The following GRK5 variants were observed in gnomAD, a reference collection of about 807,000 sequenced individuals.
GRK5 encodes G protein-coupled receptor kinase 5, also known as g protein-coupled receptor kinase GRK5.
Under a neutral mutation model 78.4 loss-of-function variants are expected in GRK5, and 40 were observed. That is an observed-to-expected ratio of 0.51 (90% CI 0.40 to 0.66). GRK5 has a LOEUF of 0.66. GRK5 is among the 30% of genes least tolerant of loss of function. GRK5 has a pLI of 0.00. For missense variants in GRK5, 598 were observed against 759.9 expected (o/e 0.79, Z 2.50); for synonymous variants, 289 against 296.8 (o/e 0.97, Z 0.27).
At chr10:119,423,322 C>T (rs905939120) in intron 5 of GRK5, 56 bp downstream of exon 5, 34 of 1,223,632 alleles carry the variant, frequency 2.8e-5, no homozygotes, top group Non-Finnish European at 3.6e-5. Context: ...GATGGGATGC[C>T]GCAGCTCTCC....
intron 1 of GRK5, among the ~76,000 whole-genome samples, chr10:119,316,581 A>G (rs973798918): frequency 6.6e-6 from 1 of 152,222 alleles, no homozygotes; most frequent in Non-Finnish European, 1.5e-5. Context: ...ATAATTCGCT[A>G]GACTCCCTCG....
intron 1 of GRK5, among the ~76,000 whole-genome samples, chr10:119,310,358 C>T (rs1850337963): frequency 6.6e-6 from 1 of 152,196 alleles, no homozygotes; most frequent in African/African-American, 2.4e-5. Context: ...CTCCCTTCCC[C>T]TGGCTTTCTC....
chr10:119,407,352 G>A (rs1351190092), intron 4 of GRK5, among the ~76,000 whole-genome samples: 3 of 152,236 alleles, frequency 2.0e-5, no homozygotes, highest in African/African-American at 7.2e-5. Flanking sequence ...AGGAGAGGAG[G>A]CCTCAAAAGG....
intron 1 of GRK5, among the ~76,000 whole-genome samples, chr10:119,276,149 G>A (rs1849666311): frequency 6.6e-6 from 1 of 152,002 alleles, no homozygotes; most frequent in Admixed American, 6.6e-5. Flanking sequence ...TAAGTTTTAG[G>A]GTACATGTGC....
intron 1 of GRK5, among the ~76,000 whole-genome samples, chr10:119,304,398 C>G (rs968229907): frequency 6.9e-6 from 1 of 144,476 alleles, no homozygotes; most frequent in Non-Finnish European, 1.5e-5. Flanking sequence ...TCAAGCAATT[C>G]TCCCTGCCTC....
intron 1 of GRK5, among the ~76,000 whole-genome samples, chr10:119,255,614 G>C (rs886670685): frequency 6.6e-6 from 1 of 152,206 alleles, no homozygotes; most frequent in Non-Finnish European, 1.5e-5. Context: ...GGCTGCGCAA[G>C]GTCAGGGTAA....
chr10:119,350,900 G>C (rs1851176816), intron 2 of GRK5, among the ~76,000 whole-genome samples: 1 of 152,218 alleles, frequency 6.6e-6, no homozygotes. Flanking sequence ...TGGGCCTGCT[G>C]TCCAGGTCTC....
At chr10:119,314,580 C>T (rs1850451535) in intron 1 of GRK5, among the ~76,000 whole-genome samples, 1 of 152,328 alleles carries the variant, frequency 6.6e-6, no homozygotes, top group South Asian at 2.1e-4. Context: ...GCAGCAGGAC[C>T]ATGGCGCCTA....
intron 1 of GRK5, among the ~76,000 whole-genome samples, chr10:119,209,514 T>TC (rs1564848865): frequency 1.8e-5 from 2 of 112,186 alleles, no homozygotes; most frequent in South Asian, 3.1e-4. Context: ...TTTTTTTTTT[T>TC]CCTAACCTGA....
chr10:119,386,347 G>A (rs1450416377), intron 3 of GRK5, among the ~76,000 whole-genome samples: 1 of 152,218 alleles, frequency 6.6e-6, no homozygotes, highest in East Asian at 1.9e-4. Context: ...GCAGCTTTGG[G>A]AGCCATCTAG....
intron 1 of GRK5, among the ~76,000 whole-genome samples, chr10:119,242,495 A>G (rs1313533710): frequency 6.7e-6 from 1 of 150,336 alleles, no homozygotes; most frequent in African/African-American, 2.5e-5. Context: ...GCTCTCCTGC[A>G]TCCAAGAGCT....
intron 1 of GRK5, among the ~76,000 whole-genome samples, chr10:119,276,809 G>T (rs965629638): frequency 6.6e-6 from 1 of 152,192 alleles, no homozygotes; most frequent in Non-Finnish European, 1.5e-5. Flanking sequence ...AAGTCAAAGC[G>T]GGGATGGACT....
chr10:119,302,080 A>G (rs1850192840), intron 1 of GRK5, among the ~76,000 whole-genome samples: 2 of 152,172 alleles, frequency 1.3e-5, no homozygotes, highest in African/African-American at 4.8e-5. Flanking sequence ...TTTCCCTTGC[A>G]GGTGGGGTGG....
intron 6 of GRK5, 25 bp downstream of exon 6, chr10:119,425,110 A>T: frequency 6.7e-7 from 1 of 1,485,478 alleles, no homozygotes; most frequent in Non-Finnish European, 9.4e-7. Flanking sequence ...CCCCATACAG[A>T]TCAGGGAGGC....
chr10:119,346,875 A>G (rs1171287959), intron 2 of GRK5, among the ~76,000 whole-genome samples: 1 of 152,184 alleles, frequency 6.6e-6, no homozygotes, highest in African/African-American at 2.4e-5. Context: ...GCAGAGCTGG[A>G]CAGGCCTCCT....
chr10:119,388,027 C>A (rs1020924226), intron 3 of GRK5, among the ~76,000 whole-genome samples: 1 of 151,244 alleles, frequency 6.6e-6, no homozygotes, highest in Non-Finnish European at 1.5e-5. Flanking sequence ...TATAGCTTAC[C>A]GTAGCCTCAA....
At chr10:119,280,161 G>A (rs566014411) in intron 1 of GRK5, among the ~76,000 whole-genome samples, 16 of 152,262 alleles carry the variant, frequency 1.1e-4, no homozygotes, top group African/African-American at 2.4e-4. Context: ...CTCCCTGGCC[G>A]TGCAGAACAG....
At chr10:119,345,658 G>A (rs1039291384) in intron 2 of GRK5, among the ~76,000 whole-genome samples, 1 of 152,114 alleles carries the variant, frequency 6.6e-6, no homozygotes, top group African/African-American at 2.4e-5. Context: ...ACTCCTAGCA[G>A]ATATCAAGGG....
intron 2 of GRK5, among the ~76,000 whole-genome samples, chr10:119,356,624 G>T (rs1051824461): frequency 6.6e-5 from 10 of 152,076 alleles, no homozygotes; most frequent in Admixed American, 3.9e-4. Flanking sequence ...ACTTTACACA[G>T]GCTTTGGGCT....
Sources: allele counts gnomAD v4.1 joint callset (sites outside exome capture counted in the v4.1 genomes callset), GRCh38; gene constraint gnomAD v4.1.1; transcripts MANE v1.5; gene names NCBI Gene and HGNC (gene_info 2026-07-23, HGNC 2026-07-21).